Variants in VWC2L observed in about 807,000 individuals in gnomAD.
VWC2L encodes the protein von Willebrand factor C domain containing 2 like, also known as von Willebrand factor C domain-containing protein 2-like.
A neutral mutation model predicts 21.6 loss-of-function variants in VWC2L; 10 were observed. The ratio of observed to expected loss-of-function variants is 0.46; its 90% CI spans 0.29 to 0.78. The LOEUF (loss-of-function observed/expected upper bound fraction) is 0.78. Ranked by LOEUF, VWC2L falls within the 30% of genes least tolerant of loss-of-function variation. The probability of loss-of-function intolerance (pLI) is 0.10; values close to 1 mark genes in which losing one functional copy is unlikely to be tolerated. For missense variants in VWC2L, 209 were observed against 277.1 expected (o/e 0.75, Z 1.74); for synonymous variants, 96 against 94.3 (o/e 1.02, Z -0.10).
intron 3 of VWC2L, among the ~76,000 whole-genome samples, chr2:214,465,671 A>G (rs753487169): frequency 3.9e-5 from 6 of 152,174 alleles, no homozygotes; most frequent in Non-Finnish European, 7.3e-5. Flanking sequence ...CTCAGAGCCC[A>G]GCTCAGCACC....
chr2:214,568,975 T>C (rs550818609), intron 3 of VWC2L, among the ~76,000 whole-genome samples: 5 of 152,270 alleles, frequency 3.3e-5, no homozygotes, highest in African/African-American at 1.2e-4. Flanking sequence ...CTCCCCCAGA[T>C]CAAACTGCAC....
chr2:214,424,797 A>AT (rs1231373922), intron 2 of VWC2L, among the ~76,000 whole-genome samples: 8 of 152,120 alleles, frequency 5.3e-5, no homozygotes, highest in Middle Eastern at 3.2e-3. Context: ...ATGAAAATCT[A>AT]TTTTTTCTCA....
rs59158119 is a variant in VWC2L, at chr2:214,482,044, A to G, written c.520+45286A>G. Among the ~76,000 whole-genome samples the G allele has an allele frequency of 7.2e-5, 11 of 152,306 alleles. 1 individual carries two copies. The East Asian group carries it at 2.1e-3, about 29-fold the overall frequency. ...TAAAGCACATATTCCACTAAGGCAGACAGTATCATGATCTGGGATACTGAT... is the reference window on the plus strand; with the variant it reads ...TAAAGCACATATTCCACTAAGGCAGGCAGTATCATGATCTGGGATACTGAT... On this transcript the variant is annotated intron_variant, in intron 3 of 3. Transcript: ENST00000312504.
chr2:214,416,733 TA>T (rs1184082037), intron 2 of VWC2L, among the ~76,000 whole-genome samples: 1 of 152,088 alleles, frequency 6.6e-6, no homozygotes, highest in African/African-American at 2.4e-5. Context: ...ATGGAGTTCT[TA>T]AACTTTTTGA....
chr2:214,494,399 T>G (rs1405798042), intron 3 of VWC2L, among the ~76,000 whole-genome samples: 5 of 152,188 alleles, frequency 3.3e-5, no homozygotes, highest in Non-Finnish European at 7.3e-5. Flanking sequence ...GACAGATCTG[T>G]TCGCCAGCCA....
chr2:214,465,455 C>T (rs928140965), intron 3 of VWC2L, among the ~76,000 whole-genome samples: 1 of 152,140 alleles, frequency 6.6e-6, no homozygotes, highest in African/African-American at 2.4e-5. Flanking sequence ...GGAATGCTGG[C>T]CTCAGGACTC....
intron 3 of VWC2L, among the ~76,000 whole-genome samples, chr2:214,574,255 C>T (rs1165387346): frequency 1.2e-4 from 19 of 152,172 alleles, no homozygotes. Flanking sequence ...CTCTGCATGG[C>T]TCTTCACGCT....
chr2:214,472,251 TGAA>T (rs1265904537), intron 3 of VWC2L: 1 of 152,152 alleles, frequency 6.6e-6, no homozygotes, highest in African/African-American at 2.4e-5. Flanking sequence ...TTTCCATTCC[TGAA>T]GAAGGAGATA....
At chr2:214,539,823 CAAATT>C (rs1482101366) in intron 3 of VWC2L, among the ~76,000 whole-genome samples, 4 of 151,960 alleles carry the variant, frequency 2.6e-5, no homozygotes, top group African/African-American at 7.3e-5. Context: ...TTGTATTAAA[CAAATT>C]AAAGCAGTTT....
chr2:214,478,063 G>A (rs1214178805), intron 3 of VWC2L, among the ~76,000 whole-genome samples: 1 of 152,146 alleles, frequency 6.6e-6, no homozygotes, highest in Admixed American at 6.6e-5. Context: ...TAATTAGAAT[G>A]TCTCATCCAA....
intron 3 of VWC2L, among the ~76,000 whole-genome samples, chr2:214,555,287 T>C (rs1689857144): frequency 1.3e-5 from 2 of 152,200 alleles, no homozygotes; most frequent in African/African-American, 4.8e-5. Context: ...GATGTCTGCT[T>C]GTAACTTCTA....
chr2:214,455,267 C>A (rs1308599278), intron 3 of VWC2L, among the ~76,000 whole-genome samples: 3 of 152,100 alleles, frequency 2.0e-5, no homozygotes, highest in Non-Finnish European at 4.4e-5. Context: ...ATATTTATAA[C>A]CATGAGTTAG....
In VWC2L at chr2:214,414,571, G is replaced by A; in HGVS notation, c.378G>A (p.Leu126=). ...ATCACGGGAAAAATTACAAAATCTT[G>A]GAGGAATTTAAGGTATGCGTTACCC... The part of the protein sequence containing the change: ...CEYHGKNYKI[L]EEFKPSPCEW... Residue 126 remains leucine, a synonymous_variant, in exon 2 of 4, where the codon TTG becomes TTA. Transcript: ENST00000312504. 6.2e-7 allele frequency: 1 copy of A among 1,612,746 alleles called. No homozygotes were observed. Among genetic ancestry groups the A allele is most frequent in the Non-Finnish European group, 8.5e-7 (1 of 1,179,480 alleles).
At chr2:214,552,261 TA>T (rs1447630203) in intron 3 of VWC2L, among the ~76,000 whole-genome samples, 9 of 152,186 alleles carry the variant, frequency 5.9e-5, no homozygotes, top group African/African-American at 2.2e-4. Context: ...GAAAGAAAAA[TA>T]GGCCTTAGAA....
chr2:214,546,170 A>G (rs1689703714), intron 3 of VWC2L, among the ~76,000 whole-genome samples: 1 of 152,190 alleles, frequency 6.6e-6, no homozygotes, highest in African/African-American at 2.4e-5. Flanking sequence ...GCCCTAAAAC[A>G]GTCTAGAGAG....
chr2:214,447,173 G>A (rs1202256789), intron 3 of VWC2L, among the ~76,000 whole-genome samples: 2 of 152,036 alleles, frequency 1.3e-5, no homozygotes, highest in Non-Finnish European at 2.9e-5. Flanking sequence ...GAAGGCATTC[G>A]CTGTTGCCAA....
At chr2:214,547,859 A>G (rs780819888) in intron 3 of VWC2L, among the ~76,000 whole-genome samples, 42 of 152,202 alleles carry the variant, frequency 2.8e-4, no homozygotes, top group South Asian at 6.2e-4. Flanking sequence ...TAATAGTTGG[A>G]AAAAGATCAT....
At position 214,465,666 on chromosome 2, in the gene VWC2L, A is replaced by G. The variant is rs1574579833; in HGVS notation, c.520+28908A>G. The stretch of plus-strand genomic sequence containing the variant: ...ATGCAGCCCAAGTCCACTGGCTCAG[A>G]GCCCAGCTCAGCACCAGCACTTGCC... On this transcript the variant is annotated intron_variant, in intron 3 of 3. Coordinates refer to ENST00000312504, the MANE Select transcript of VWC2L (RefSeq NM_001080500.4). Among the ~76,000 whole-genome samples, 5 of 152,276 alleles carry G rather than the reference A, an allele frequency of 3.3e-5. No individual in the cohort carries two copies. In the South Asian group the frequency reaches 1.0e-3, roughly 32 times the overall value.
At chr2:214,467,019 T>A (rs1349573418) in intron 3 of VWC2L, among the ~76,000 whole-genome samples, 1 of 152,212 alleles carries the variant, frequency 6.6e-6, no homozygotes, top group Non-Finnish European at 1.5e-5. Flanking sequence ...TTTCTATAAA[T>A]GTTTTAGAGC....
Sources: allele counts gnomAD v4.1 joint callset (sites outside exome capture counted in the v4.1 genomes callset), GRCh38; gene constraint gnomAD v4.1.1; transcripts MANE v1.5; gene names NCBI Gene and HGNC (gene_info 2026-07-23, HGNC 2026-07-21).